USH2A: variants seen among roughly 807,000 people sequenced by gnomAD.
USH2A encodes the protein usherin, also known as Usher syndrome 2A (autosomal recessive, mild).
In USH2A, 443 loss-of-function variants were observed where a neutral mutation model predicts 538.9. The ratio of observed to expected loss-of-function variants is 0.82; its 90% CI spans 0.76 to 0.89. USH2A has a LOEUF of 0.89. Among genes scored for constraint, USH2A ranks in the 40% least tolerant of loss-of-function variants. USH2A has a pLI of 0.00. For synonymous variants in USH2A, 2,413 were observed against 2,273.5 expected (o/e 1.06, Z -1.75); for missense variants, 6,633 against 6,324.8 (o/e 1.05, Z -1.65).
chr1:215,790,342 T>C, intron 50 of USH2A, 60 bp from the exon 51 acceptor site: 1 of 1,582,036 alleles, frequency 6.3e-7, no homozygotes, highest in East Asian at 2.3e-5. Context: ...AAACTGAGGC[T>C]GCTATAAAGT....
At chr1:216,071,180 G>A (rs2031545953) in intron 29 of USH2A, among the ~76,000 whole-genome samples, 1 of 152,122 alleles carries the variant, frequency 6.6e-6, no homozygotes, top group Non-Finnish European at 1.5e-5. Context: ...GAGCCCTGTC[G>A]ATGGAGGATC....
chr1:215,865,864 AT>A (rs887844901), intron 44 of USH2A, among the ~76,000 whole-genome samples: 1 of 152,200 alleles, frequency 6.6e-6, no homozygotes, highest in African/African-American at 2.4e-5. Context: ...TTAATTCACA[AT>A]TGATATCCTC....
At chr1:215,740,661 A>G (rs1205058642) in intron 60 of USH2A, among the ~76,000 whole-genome samples, 3 of 152,188 alleles carry the variant, frequency 2.0e-5, no homozygotes, top group Non-Finnish European at 2.9e-5. Flanking sequence ...CTTGTCTTGT[A>G]TCTGGTTTCC....
At chr1:215,779,810 C>T in intron 55 of USH2A, 33 bp downstream of exon 55, 3 of 1,609,810 alleles carry the variant, frequency 1.9e-6, no homozygotes. Context: ...ACAGACTCCT[C>T]CAGTAGGATT....
chr1:216,160,237 A>G (rs1314289166), intron 21 of USH2A, among the ~76,000 whole-genome samples: 1 of 151,994 alleles, frequency 6.6e-6, no homozygotes, highest in African/African-American at 2.4e-5. Context: ...TGGGAAGCTA[A>G]TTGATTGTTA....
intron 21 of USH2A, among the ~76,000 whole-genome samples, chr1:216,138,063 ATT>A (rs138098763): frequency 0.051 from 7,690 of 152,270 alleles, 278 homozygotes; most frequent in Middle Eastern, 0.11. Flanking sequence ...TCCCAAAACA[ATT>A]TCTTATGAGA....
intron 11 of USH2A, among the ~76,000 whole-genome samples, chr1:216,257,759 C>A (rs995138560): frequency 2.0e-5 from 3 of 151,938 alleles, no homozygotes; most frequent in Non-Finnish European, 4.4e-5. Context: ...AACTCTGTTT[C>A]ATTTTGGATA....
intron 33 of USH2A, among the ~76,000 whole-genome samples, chr1:215,999,672 C>G (rs968288881): frequency 6.6e-6 from 1 of 152,046 alleles, no homozygotes; most frequent in Non-Finnish European, 1.5e-5. Flanking sequence ...AATTGTTAAG[C>G]TGAGAAACAC....
chr1:216,344,644 G>A (rs972059394), intron 4 of USH2A, among the ~76,000 whole-genome samples: 2 of 151,922 alleles, frequency 1.3e-5, no homozygotes, highest in Non-Finnish European at 2.9e-5. Flanking sequence ...CTGACTCTGG[G>A]TAAGTGGGGT....
chr1:215,928,313 A>G (rs1666286661), intron 38 of USH2A, among the ~76,000 whole-genome samples: 1 of 152,202 alleles, frequency 6.6e-6, no homozygotes, highest in Admixed American at 6.5e-5. Flanking sequence ...ATAAAACATC[A>G]AAATTAATTG....
intron 21 of USH2A, among the ~76,000 whole-genome samples, chr1:216,146,483 C>T (rs1219868177): frequency 2.0e-5 from 3 of 152,198 alleles, no homozygotes; most frequent in East Asian, 3.9e-4. Flanking sequence ...GGGACACCTG[C>T]CTTGGTCCTT....
rs139156019 is a variant in USH2A, at chr1:216,199,949, G to A, written c.3489C>T (p.Asp1163=). ...TLSYIIPIGS[D]SVTLTWTTLS... ...GTGTTGTCCAGGTAAGTGTCACAGA[G>A]TCTGAGCCAATAGGAATGATATAAC... The change falls in exon 17 of 72, where the codon GAC becomes GAT. Residue 1163 remains aspartate (D), a synonymous_variant. Coordinates refer to ENST00000307340, the MANE Select transcript of USH2A (RefSeq NM_206933.4). 2.2e-5 allele frequency: 36 copies of A among 1,614,010 alleles called. No homozygotes were observed. Among genetic ancestry groups the A allele is most frequent in the Non-Finnish European group, 2.9e-5 (34 of 1,180,002 alleles).
intron 15 of USH2A, among the ~76,000 whole-genome samples, chr1:216,210,427 A>T (rs2035214065): frequency 6.6e-6 from 1 of 152,094 alleles, no homozygotes; most frequent in African/African-American, 2.4e-5. Flanking sequence ...TGATCAATCA[A>T]GCAGCTGACC....
intron 35 of USH2A, among the ~76,000 whole-genome samples, chr1:215,977,601 G>A (rs1415678842): frequency 6.6e-6 from 1 of 152,108 alleles, no homozygotes; most frequent in Non-Finnish European, 1.5e-5. Flanking sequence ...CCGCCTCCCA[G>A]GAGGCGAATT....
At position 216,324,312 on chromosome 1, in the gene USH2A, G is replaced by A. The variant is rs146584890; in HGVS notation, c.1184C>T (p.Thr395Met). Residue 395 changes from threonine to methionine, a missense_variant, in exon 7 of 72, where the codon ACG (threonine) becomes ATG (methionine). Physicochemically the swap from Thr to Met is moderately conservative, Grantham distance 81. Transcript: ENST00000307340. Reference protein sequence around the residue: ...IIIQFFSPQPTEIRIQRKKEN... With the variant: ...IIIQFFSPQPMEIRIQRKKEN... ...CTTCTTCCTTTGAATCCTTATTTCC[G>A]TTGGTTGTGGACTAAAGAACTGAAT... is the stretch of plus-strand genomic sequence containing the variant. 1.2e-4 allele frequency: 191 copies of A among 1,612,292 alleles called. No homozygotes were observed. Among genetic ancestry groups the A allele is most frequent in the African/African-American group, 3.9e-4 (29 of 74,832 alleles).
intron 32 of USH2A, among the ~76,000 whole-genome samples, chr1:216,015,300 C>T (rs903542260): frequency 3.9e-5 from 6 of 152,256 alleles, no homozygotes; most frequent in East Asian, 3.9e-4. Context: ...CAATGAGCTG[C>T]GCCAGAATGC....
intron 60 of USH2A, 111 bp downstream of exon 60, chr1:215,741,264 C>A (rs1660291919): frequency 7.8e-7 from 1 of 1,285,614 alleles, no homozygotes; most frequent in Non-Finnish European, 1.1e-6. Context: ...AAAAACACAA[C>A]ATGAATTCCC....
At chr1:215,665,154 G>A (rs910860358) in intron 64 of USH2A, among the ~76,000 whole-genome samples, 1 of 152,180 alleles carries the variant, frequency 6.6e-6, no homozygotes, top group African/African-American at 2.4e-5. Context: ...GGCAGCAACA[G>A]TGAGGATCCC....
chr1:215,752,714 A>T (rs1198140623), intron 58 of USH2A, among the ~76,000 whole-genome samples: 2 of 152,172 alleles, frequency 1.3e-5, no homozygotes, highest in South Asian at 2.1e-4. Context: ...TGCCCCCAGT[A>T]AAATATTATT....
Sources: gnomAD v4.1 joint callset for allele counts (sites outside exome capture counted in the v4.1 genomes callset) on GRCh38, gnomAD v4.1.1 for gene constraint, MANE v1.5 for transcripts, NCBI Gene and HGNC (gene_info 2026-07-23, HGNC 2026-07-21) for gene names.